MYO3A: variants seen among roughly 807,000 people sequenced by gnomAD.
MYO3A encodes myosin-IIIa.
MYO3A carries 180 observed loss-of-function variants against 192.7 expected under a neutral mutation model. The observed-to-expected ratio is 0.93, with a 90% CI of 0.83 to 1.06. The LOEUF (loss-of-function observed/expected upper bound fraction) is 1.06, where lower values mean the gene tolerates loss of function less well. Among genes scored for constraint, MYO3A ranks in the 50% least tolerant of loss-of-function variants. The probability of loss-of-function intolerance (pLI) is 0.00; values close to 1 mark genes in which losing one functional copy is unlikely to be tolerated. For synonymous variants in MYO3A, 628 were observed against 645.3 expected, an observed-to-expected ratio of 0.97 and a Z score of 0.41; for missense variants, 1,896 against 1,905.0, an observed-to-expected ratio of 1.00 and a Z score of 0.09.
At chr10:26,102,914 A>C (rs979232356) in intron 17 of MYO3A, among the ~76,000 whole-genome samples, 1 of 151,960 alleles carries the variant, frequency 6.6e-6, no homozygotes, top group Non-Finnish European at 1.5e-5. Flanking sequence ...GAGAACCACT[A>C]CTCTCTTCAA....
At chr10:26,171,829 T>C (rs139168317) in intron 29 of MYO3A, among the ~76,000 whole-genome samples, 1 of 152,320 alleles carries the variant, frequency 6.6e-6, no homozygotes, top group East Asian at 1.9e-4. Flanking sequence ...GTACTACTTC[T>C]AGAAATTACT....
intron 14 of MYO3A, among the ~76,000 whole-genome samples, chr10:26,077,787 G>A (rs189600831): frequency 1.3e-5 from 2 of 152,076 alleles, no homozygotes; most frequent in African/African-American, 2.4e-5. Context: ...CTGATTATGT[G>A]GTGTATCACA....
At chr10:26,203,139 G>T in intron 34 of MYO3A, 32 bp downstream of exon 34, 1 of 1,603,976 alleles carries the variant, frequency 6.2e-7, no homozygotes, top group Non-Finnish European at 8.5e-7. Context: ...TACATCATTT[G>T]CAGTTTTATA....
intron 8 of MYO3A, 174 bp downstream of exon 8, chr10:26,021,822 C>A: frequency 1.2e-6 from 1 of 825,562 alleles, no homozygotes; most frequent in Non-Finnish European, 1.9e-6. Flanking sequence ...TCAGTAGTTG[C>A]ATTTCCCTGG....
intron 2 of MYO3A, among the ~76,000 whole-genome samples, chr10:25,947,637 C>G (rs1836942810): frequency 6.6e-6 from 1 of 152,100 alleles, no homozygotes; most frequent in Non-Finnish European, 1.5e-5. Flanking sequence ...AGGTGATCCA[C>G]CCACCTCTAC....
At chr10:26,127,675 ACTTT>A (rs1839295458) in intron 19 of MYO3A, among the ~76,000 whole-genome samples, 1 of 151,934 alleles carries the variant, frequency 6.6e-6, no homozygotes. Context: ...AAGCTTTTGT[ACTTT>A]CTTTTTATAA....
At chr10:26,050,075 T>C (rs903568643) in intron 10 of MYO3A, among the ~76,000 whole-genome samples, 1 of 152,146 alleles carries the variant, frequency 6.6e-6, no homozygotes, top group South Asian at 2.1e-4. Context: ...GTCTTTTTAG[T>C]CTTTTTTTTC....
intron 17 of MYO3A, among the ~76,000 whole-genome samples, chr10:26,115,663 C>A (rs997557309): frequency 1.3e-5 from 2 of 152,102 alleles, no homozygotes; most frequent in African/African-American, 2.4e-5. Flanking sequence ...TAACTAAATT[C>A]TCTTAAACAC....
chr10:25,944,931 G>A (rs771261525), intron 2 of MYO3A, among the ~76,000 whole-genome samples: 8 of 151,698 alleles, frequency 5.3e-5, no homozygotes, highest in Admixed American at 3.3e-4. Flanking sequence ...GTCACCTTTA[G>A]GTTCAGTTTG....
At chr10:26,211,072 G>T (rs1334199925) in intron 34 of MYO3A, among the ~76,000 whole-genome samples, 1 of 152,266 alleles carries the variant, frequency 6.6e-6, no homozygotes, top group South Asian at 2.1e-4. Context: ...CAAGTTGTCT[G>T]TGGGTCTCCT....
At chr10:26,076,307 T>A (rs1835572230) in intron 14 of MYO3A, among the ~76,000 whole-genome samples, 1 of 152,210 alleles carries the variant, frequency 6.6e-6, no homozygotes, top group African/African-American at 2.4e-5. Flanking sequence ...TTTAGAGAAT[T>A]GTCTATTCAT....
At chr10:25,991,426 T>C (rs559586303) in intron 4 of MYO3A, among the ~76,000 whole-genome samples, 6 of 152,306 alleles carry the variant, frequency 3.9e-5, no homozygotes, top group South Asian at 4.1e-4. Flanking sequence ...CTTTGTCAGA[T>C]GAGTAGATTG....
chr10:26,149,329 A>G (rs1274446374), intron 23 of MYO3A, among the ~76,000 whole-genome samples: 1 of 151,900 alleles, frequency 6.6e-6, no homozygotes, highest in Non-Finnish European at 1.5e-5. Flanking sequence ...CTGCCTCCCA[A>G]GTTCAAGAGA....
chr10:26,202,851 GTAT>G, intron 33 of MYO3A, 110 bp from the exon 34 acceptor site: 1 of 1,180,702 alleles, frequency 8.5e-7, no homozygotes, highest in Non-Finnish European at 1.2e-6. Context: ...ATTGACATGT[GTAT>G]GTTACTCTAA....
chr10:26,147,618 C>T (rs1314425412), intron 23 of MYO3A, 59 bp downstream of exon 23: 2 of 1,609,254 alleles, frequency 1.2e-6, no homozygotes, highest in Admixed American at 1.7e-5. Context: ...GTTTCTATCT[C>T]TGCGCTTTTC....
intron 2 of MYO3A, among the ~76,000 whole-genome samples, chr10:25,943,355 A>G (rs1272819236): frequency 1.3e-5 from 2 of 152,092 alleles, no homozygotes; most frequent in Non-Finnish European, 2.9e-5. Context: ...TTACAAGATT[A>G]CTGGAGATCC....
At chr10:25,951,257 TTTAA>T (rs1442388815) in intron 2 of MYO3A, among the ~76,000 whole-genome samples, 5 of 152,266 alleles carry the variant, frequency 3.3e-5, no homozygotes, top group East Asian at 1.9e-4. Flanking sequence ...GGCCATATTC[TTTAA>T]TTAATTAATC....
chr10:26,104,485 A>G (rs1286863679), intron 17 of MYO3A, among the ~76,000 whole-genome samples: 1 of 152,126 alleles, frequency 6.6e-6, no homozygotes, highest in Non-Finnish European at 1.5e-5. Flanking sequence ...TCAATTAACC[A>G]CAAATATATA....
intron 26 of MYO3A, among the ~76,000 whole-genome samples, chr10:26,164,200 G>A (rs189863202): frequency 5.9e-5 from 9 of 152,332 alleles, no homozygotes; most frequent in Admixed American, 5.2e-4. Context: ...CAACTTATCA[G>A]CAAAGCTAGT....
Sources: allele counts gnomAD v4.1 joint callset (sites outside exome capture counted in the v4.1 genomes callset), GRCh38; gene constraint gnomAD v4.1.1; transcripts MANE v1.5; gene names NCBI Gene and HGNC (gene_info 2026-07-23, HGNC 2026-07-21).